Variants in EEFSEC observed in about 807,000 individuals in gnomAD.
The protein encoded by EEFSEC is selenocysteine-specific elongation factor.
EEFSEC carries 43 observed loss-of-function variants against 42.1 expected under a neutral mutation model. That is an observed-to-expected ratio of 1.02 (90% CI 0.80 to 1.32). The LOEUF (loss-of-function observed/expected upper bound fraction) is 1.32. Among genes scored for constraint, EEFSEC ranks in the 40% most tolerant of loss-of-function variants. The pLI, the probability that EEFSEC is intolerant of heterozygous loss-of-function variation, is 0.00. For synonymous variants in EEFSEC, 354 were observed against 339.1 expected (o/e 1.04, Z -0.48); for missense variants, 745 against 803.6 (o/e 0.93, Z 0.88).
intron 1 of EEFSEC, among the ~76,000 whole-genome samples, chr3:128,240,738 TC>T (rs1356717911): frequency 3.3e-5 from 5 of 152,226 alleles, no homozygotes; most frequent in Non-Finnish European, 7.3e-5. Context: ...TGCCTTCCCA[TC>T]CCCTGCCCTT....
chr3:128,234,874 G>A (rs1363392571), intron 1 of EEFSEC, among the ~76,000 whole-genome samples: 1 of 152,194 alleles, frequency 6.6e-6, no homozygotes, highest in Non-Finnish European at 1.5e-5. Flanking sequence ...GAGATCTCAG[G>A]TTGGTGCTGG....
intron 6 of EEFSEC, among the ~76,000 whole-genome samples, chr3:128,395,696 A>G (rs2067973000): frequency 6.6e-6 from 1 of 152,184 alleles, no homozygotes; most frequent in Admixed American, 6.5e-5. Context: ...TGCACAGCCC[A>G]GCACACCCAG....
rs1276355462 is a variant in EEFSEC, at chr3:128,153,612, CT to C, written c.108del (p.Phe36LeufsTer77). On this transcript the variant is annotated frameshift_variant, in exon 1 of 7. Transcript: ENST00000254730. LOFTEE classifies it high-confidence loss of function. ...ALSTTASTAA[F>X]DKQPQSRERG... Reference sequence around the variant, plus strand: ...TAAGCACCACAGCCTCCACCGCCGCCTTTGACAAGCAGCCGCAGAGCCGCGA... The same window carrying C: ...TAAGCACCACAGCCTCCACCGCCGCCTTGACAAGCAGCCGCAGAGCCGCGA... 1.3e-6 allele frequency: 2 copies of C among 1,596,218 alleles called. No individual in the cohort carries two copies. The highest frequency in any genetic ancestry group is 1.4e-5 in the African/African-American group (1 of 73,364).
rs567088561 is a variant in EEFSEC, at chr3:128,396,733, C to T, written c.1601-11336C>T. 1.5e-3 allele frequency among the ~76,000 whole-genome samples: 228 copies of T among 152,318 alleles called. 1 individual carries two copies. Among genetic ancestry groups the T allele is most frequent in the Non-Finnish European group, 2.6e-3 (178 of 68,028 alleles). On this transcript the variant is annotated intron_variant, in intron 6 of 6. Transcript: ENST00000254730. ...TCAGTTTCCTGGTGTGTGTGAATAGCATGATTGTGAACTGAGGTTTGCTGT... is the reference window on the plus strand; with the variant it reads ...TCAGTTTCCTGGTGTGTGTGAATAGTATGATTGTGAACTGAGGTTTGCTGT...
chr3:128,222,025 G>GTTTT (rs60162922), intron 1 of EEFSEC, among the ~76,000 whole-genome samples: 29 of 96,336 alleles, frequency 3.0e-4, no homozygotes, highest in African/African-American at 4.3e-4. Context: ...TTTTTTCAAA[G>GTTTT]TTTTTTTTTT....
chr3:128,394,046 C>G (rs1428660968), intron 6 of EEFSEC, among the ~76,000 whole-genome samples: 1 of 152,194 alleles, frequency 6.6e-6, no homozygotes, highest in Non-Finnish European at 1.5e-5. Context: ...AGCCCATGGG[C>G]ATACCTGCCT....
chr3:128,411,985 G>A (rs941279513), downstream of EEFSEC, among the ~76,000 whole-genome samples: 2 of 152,356 alleles, frequency 1.3e-5, no homozygotes, highest in East Asian at 1.9e-4. Flanking sequence ...CATGTGCTCC[G>A]TGTGTGTTTT....
At chr3:128,273,844 C>G (rs1456447995) in intron 4 of EEFSEC, among the ~76,000 whole-genome samples, 5 of 152,162 alleles carry the variant, frequency 3.3e-5, no homozygotes, top group Non-Finnish European at 7.4e-5. Flanking sequence ...GTGGTGCTGC[C>G]CCACTGCTGA....
At chr3:128,395,566 A>T (rs1188701506) in intron 6 of EEFSEC, among the ~76,000 whole-genome samples, 1 of 152,212 alleles carries the variant, frequency 6.6e-6, no homozygotes, top group Non-Finnish European at 1.5e-5. Flanking sequence ...AAAGAGGAGA[A>T]AACTAGCTCT....
At chr3:128,183,065 G>T (rs996549281) in intron 1 of EEFSEC, among the ~76,000 whole-genome samples, 3 of 152,122 alleles carry the variant, frequency 2.0e-5, no homozygotes, top group African/African-American at 7.2e-5. Context: ...AATGATCTTT[G>T]TCAACTTATT....
At position 128,199,852 on chromosome 3, in the gene EEFSEC, G is replaced by A. The variant is rs536220558; in HGVS notation, c.316+46029G>A. On this transcript the variant is annotated intron_variant, in intron 1 of 6. Coordinates refer to ENST00000254730, the MANE Select transcript of EEFSEC (RefSeq NM_021937.5). ...AGGTTCAAGTGATTCTCCTGCCTCA[G>A]CCTCCCGAGTAGCTGGGATTACAGG... Among the ~76,000 whole-genome samples the A allele has an allele frequency of 2.0e-5, 3 of 152,178 alleles. No individual in the cohort carries two copies. In the East Asian group the frequency reaches 5.8e-4, roughly 29 times the overall value.
intron 4 of EEFSEC, among the ~76,000 whole-genome samples, chr3:128,312,588 G>C (rs2066901496): frequency 6.6e-6 from 1 of 152,272 alleles, no homozygotes; most frequent in Admixed American, 6.5e-5. Flanking sequence ...TTGTTGAAAA[G>C]CGGAATGTTC....
chr3:128,235,350 T>A (rs1308859124), intron 1 of EEFSEC, among the ~76,000 whole-genome samples: 1 of 152,196 alleles, frequency 6.6e-6, no homozygotes, highest in Non-Finnish European at 1.5e-5. Flanking sequence ...ATTATAGGCC[T>A]GAGCCACCGC....
At chr3:128,254,514 G>T (rs975236016) in intron 2 of EEFSEC, among the ~76,000 whole-genome samples, 2 of 152,182 alleles carry the variant, frequency 1.3e-5, no homozygotes, top group Non-Finnish European at 1.5e-5. Context: ...AGGTGAAATC[G>T]CATAAACCAG....
chr3:128,245,954 A>G (rs1322213389), intron 1 of EEFSEC, among the ~76,000 whole-genome samples: 2 of 152,174 alleles, frequency 1.3e-5, no homozygotes, highest in African/African-American at 4.8e-5. Flanking sequence ...ATCCCGAGAA[A>G]TGCTTCATGG....
chr3:128,388,720 C>G (rs2067871914), intron 6 of EEFSEC, among the ~76,000 whole-genome samples: 1 of 152,270 alleles, frequency 6.6e-6, no homozygotes, highest in African/African-American at 2.4e-5. Context: ...TTCAGTGGTG[C>G]CGGCCAGAGC....
chr3:128,175,185 A>AC (rs1022290799), intron 1 of EEFSEC, among the ~76,000 whole-genome samples: 1 of 144,918 alleles, frequency 6.9e-6, no homozygotes, highest in African/African-American at 2.6e-5. Flanking sequence ...ACTGCTGCAA[A>AC]CCCCCCCTTT....
chr3:128,192,820 T>A (rs2065540327), intron 1 of EEFSEC, among the ~76,000 whole-genome samples: 2 of 152,102 alleles, frequency 1.3e-5, no homozygotes, highest in Non-Finnish European at 2.9e-5. Flanking sequence ...AAGGAAGACA[T>A]TCTTGAAATT....
intron 1 of EEFSEC, among the ~76,000 whole-genome samples, chr3:128,212,476 T>A (rs2065768693): frequency 6.6e-6 from 1 of 152,228 alleles, no homozygotes; most frequent in Non-Finnish European, 1.5e-5. Flanking sequence ...AGAGCCCTGC[T>A]TTTGATCTTC....
Sources: gnomAD v4.1 joint callset for allele counts (sites outside exome capture counted in the v4.1 genomes callset) on GRCh38, gnomAD v4.1.1 for gene constraint, MANE v1.5 for transcripts, NCBI Gene and HGNC (gene_info 2026-07-23, HGNC 2026-07-21) for gene names.